CALN1: variants seen among roughly 807,000 people sequenced by gnomAD.
CALN1 encodes calcium-binding protein 8.
A neutral mutation model predicts 30.6 loss-of-function variants in CALN1; 17 were observed. The ratio of observed to expected loss-of-function variants is 0.56; its 90% CI spans 0.38 to 0.83. CALN1 has a LOEUF of 0.83. Ranked by LOEUF, CALN1 falls within the 40% of genes least tolerant of loss-of-function variation. The pLI is 0.00. For synonymous variants in CALN1, 156 were observed against 131.4 expected, an observed-to-expected ratio of 1.19 and a Z score of -1.28; for missense variants, 291 against 354.9, an observed-to-expected ratio of 0.82 and a Z score of 1.45.
At chr7:71,993,588 C>A (rs1799078447) in intron 5 of CALN1, among the ~76,000 whole-genome samples, 1 of 151,892 alleles carries the variant, frequency 6.6e-6, no homozygotes, top group Non-Finnish European at 1.5e-5. Flanking sequence ...TCCTGAGTAG[C>A]TGGGATTACA....
chr7:72,476,573 AT>A, the CALN1 span, among the ~76,000 whole-genome samples: 2 of 152,180 alleles, frequency 1.3e-5, no homozygotes, highest in African/African-American at 2.4e-5. Flanking sequence ...AAATAGTGGA[AT>A]TCTACTAGAC....
intron 3 of CALN1, among the ~76,000 whole-genome samples, chr7:72,258,518 T>G (rs1796069839): frequency 6.6e-6 from 1 of 152,148 alleles, no homozygotes. Flanking sequence ...TGAGCACAAA[T>G]AGGTGACTTT....
intron 4 of CALN1, among the ~76,000 whole-genome samples, chr7:72,046,667 G>A (rs1436297099): frequency 2.3e-5 from 3 of 130,130 alleles, no homozygotes; most frequent in African/African-American, 8.8e-5. Flanking sequence ...CCGAGATCAC[G>A]CCATTGTACT....
At chr7:71,986,650 G>A (rs1798688174) in intron 5 of CALN1, among the ~76,000 whole-genome samples, 1 of 152,214 alleles carries the variant, frequency 6.6e-6, no homozygotes, top group Admixed American at 6.5e-5. Context: ...GGGAAAAAGA[G>A]AAGAACTTAA....
intron 3 of CALN1, among the ~76,000 whole-genome samples, chr7:72,118,576 T>G (rs1808158598): frequency 6.6e-6 from 1 of 152,100 alleles, no homozygotes; most frequent in African/African-American, 2.4e-5. Flanking sequence ...TAATGGAAAA[T>G]TCCTCAACAG....
chr7:72,347,729 C>G (rs936999016), intron 2 of CALN1, among the ~76,000 whole-genome samples: 1 of 152,170 alleles, frequency 6.6e-6, no homozygotes, highest in Non-Finnish European at 1.5e-5. Context: ...AAATAGCTAT[C>G]CACTAAATTC....
At chr7:72,171,866 A>G (rs1339890095) in intron 3 of CALN1, among the ~76,000 whole-genome samples, 1 of 152,172 alleles carries the variant, frequency 6.6e-6, no homozygotes, top group East Asian at 1.9e-4. Context: ...ACACACACCC[A>G]TCTTTGATTC....
intron 4 of CALN1, among the ~76,000 whole-genome samples, chr7:72,077,544 G>C (rs183982833): frequency 5.3e-4 from 81 of 152,282 alleles, no homozygotes; most frequent in African/African-American, 1.9e-3. Flanking sequence ...AAAGTGCTAA[G>C]ATTACAGGCA....
At chr7:72,131,784 C>A (rs561838004) in intron 3 of CALN1, among the ~76,000 whole-genome samples, 90 of 152,308 alleles carry the variant, frequency 5.9e-4, no homozygotes, top group African/African-American at 1.9e-3. Context: ...GTTGTCCCTT[C>A]CCACTCAACC....
chr7:72,430,871 C>T (rs1414953923), intron 1 of CALN1, among the ~76,000 whole-genome samples: 1 of 152,132 alleles, frequency 6.6e-6, no homozygotes, highest in Non-Finnish European at 1.5e-5. Context: ...GGCAACTGCC[C>T]TCCAAGTTTT....
At chr7:72,092,618 A>ATTC (rs1241226950) in intron 4 of CALN1, among the ~76,000 whole-genome samples, 1 of 89,840 alleles carries the variant, frequency 1.1e-5, no homozygotes, top group Non-Finnish European at 2.1e-5. Context: ...TGAATATTGT[A>ATTC]TTCTAGTAAA....
the CALN1 span, among the ~76,000 whole-genome samples, chr7:72,475,429 G>A: frequency 3.1e-3 from 468 of 152,068 alleles, 1 homozygote; most frequent in Non-Finnish European, 5.5e-3. Context: ...ACTGCACTCC[G>A]GCCTGGGCGA....
At chr7:72,289,528 C>T (rs1798328451) in intron 2 of CALN1, among the ~76,000 whole-genome samples, 1 of 152,114 alleles carries the variant, frequency 6.6e-6, no homozygotes, top group Non-Finnish European at 1.5e-5. Context: ...TAGCATTTTC[C>T]ATTTTCATGG....
the CALN1 span, among the ~76,000 whole-genome samples, chr7:72,466,788 G>T: frequency 7.1e-6 from 1 of 141,184 alleles, no homozygotes; most frequent in Non-Finnish European, 1.5e-5. Context: ...GGGAAGGAAG[G>T]GAAAGAAGGA....
chr7:72,300,093 G>A (rs1170822663), intron 2 of CALN1, among the ~76,000 whole-genome samples: 1 of 151,398 alleles, frequency 6.6e-6, no homozygotes, highest in Non-Finnish European at 1.5e-5. Flanking sequence ...TGTTGGCCAG[G>A]CTGGTCTCGA....
chr7:72,065,137 TATTTTAAAATATTA>T (rs912844179), intron 4 of CALN1, among the ~76,000 whole-genome samples: 1 of 148,306 alleles, frequency 6.7e-6, no homozygotes, highest in Non-Finnish European at 1.5e-5. Context: ...AATATATTTA[TATTTTAAAATATTA>T]ATATTAAAAT....
intron 5 of CALN1, among the ~76,000 whole-genome samples, chr7:71,822,563 T>C (rs1788659655): frequency 1.3e-5 from 2 of 152,308 alleles, no homozygotes; most frequent in South Asian, 2.1e-4. Flanking sequence ...CTGGTTCTTA[T>C]GGTTTGTTTT....
intron 2 of CALN1, among the ~76,000 whole-genome samples, chr7:72,286,497 A>C (rs1798088338): frequency 6.6e-6 from 1 of 152,170 alleles, no homozygotes; most frequent in South Asian, 2.1e-4. Flanking sequence ...ATTAAGAAAA[A>C]ACTGCAGAAG....
At chr7:71,952,910 T>C (rs1369490956) in intron 5 of CALN1, among the ~76,000 whole-genome samples, 1 of 152,152 alleles carries the variant, frequency 6.6e-6, no homozygotes, top group Non-Finnish European at 1.5e-5. Context: ...TGCCTTCCTC[T>C]TTAGCTTGTC....
Sources: gnomAD v4.1 joint callset for allele counts (sites outside exome capture counted in the v4.1 genomes callset) on GRCh38, gnomAD v4.1.1 for gene constraint, MANE v1.5 for transcripts, NCBI Gene and HGNC (gene_info 2026-07-23, HGNC 2026-07-21) for gene names.